DAB1: variants seen among roughly 807,000 people sequenced by gnomAD.
The protein encoded by DAB1 is DAB adaptor protein 1.
Under a neutral mutation model 64.6 loss-of-function variants are expected in DAB1, and 15 were observed. That is an observed-to-expected ratio of 0.23 (90% confidence interval 0.16 to 0.36). The LOEUF is 0.36. Ranked by LOEUF, DAB1 falls within the 10% of genes least tolerant of loss-of-function variation. DAB1 has a pLI of 1.00. For missense variants in DAB1, 596 were observed against 706.7 expected, an observed-to-expected ratio of 0.84 and a Z score of 1.78; for synonymous variants, 235 against 251.9, an observed-to-expected ratio of 0.93 and a Z score of 0.64.
intron 5 of DAB1, among the ~76,000 whole-genome samples, chr1:58,071,382 G>GGGTGTGTGTGTGTGTGTGTT: frequency 6.6e-6 from 1 of 150,642 alleles, no homozygotes; most frequent in East Asian, 2.0e-4. Context: ...GTGTGTGTGT[G>GGGTGTGTGTGTGTGTGTGTT]TGTGTGTGTG....
chr1:57,630,385 T>C (rs1265765872), intron 7 of DAB1, among the ~76,000 whole-genome samples: 2 of 152,216 alleles, frequency 1.3e-5, no homozygotes, highest in African/African-American at 4.8e-5. Context: ...ACTCTAGTGT[T>C]CGATAACCCT....
intron 1 of DAB1, among the ~76,000 whole-genome samples, chr1:57,348,155 C>T (rs1353264010): frequency 2.0e-5 from 3 of 152,180 alleles, no homozygotes; most frequent in Non-Finnish European, 4.4e-5. Flanking sequence ...GTATTCAAAA[C>T]TTGCCGAGTG....
At chr1:57,364,476 A>G (rs916376027) in intron 1 of DAB1, among the ~76,000 whole-genome samples, 9 of 152,290 alleles carry the variant, frequency 5.9e-5, no homozygotes, top group African/African-American at 1.9e-4. Flanking sequence ...CTCTGCACGC[A>G]GGCAGAGGAA....
chr1:57,449,464 T>C (rs1297093548), intron 7 of DAB1, among the ~76,000 whole-genome samples: 1 of 150,686 alleles, frequency 6.6e-6, no homozygotes, highest in African/African-American at 2.4e-5. Context: ...ACATACAGCC[T>C]CAAACTCTAG....
At chr1:58,434,628 T>G (rs1437754835) in intron 3 of DAB1, among the ~76,000 whole-genome samples, 1 of 152,174 alleles carries the variant, frequency 6.6e-6, no homozygotes, top group Non-Finnish European at 1.5e-5. Flanking sequence ...TATCACCATA[T>G]AGATGGCATT....
intron 4 of DAB1, among the ~76,000 whole-genome samples, chr1:58,232,528 G>T (rs976782065): frequency 6.8e-6 from 1 of 147,292 alleles, no homozygotes; most frequent in African/African-American, 2.5e-5. Flanking sequence ...CACACAGTTT[G>T]ACAAACGAAT....
At chr1:57,749,977 C>T (rs956448867) in intron 6 of DAB1, among the ~76,000 whole-genome samples, 5 of 152,006 alleles carry the variant, frequency 3.3e-5, no homozygotes, top group African/African-American at 1.2e-4. Flanking sequence ...AATCAATACA[C>T]ATGATATTTC....
At chr1:58,452,423 A>G (rs888634162) in intron 3 of DAB1, among the ~76,000 whole-genome samples, 2 of 152,040 alleles carry the variant, frequency 1.3e-5, no homozygotes, top group Non-Finnish European at 2.9e-5. Context: ...ACAAAGCCAC[A>G]TGTTCACGAT....
intron 2 of DAB1, among the ~76,000 whole-genome samples, chr1:57,258,646 C>T (rs1669947493): frequency 6.6e-6 from 1 of 152,192 alleles, no homozygotes; most frequent in Non-Finnish European, 1.5e-5. Flanking sequence ...CTTTGAACTA[C>T]ATTTACCATC....
At chr1:57,094,909 GA>G (rs1488316919) in intron 4 of DAB1, among the ~76,000 whole-genome samples, 2 of 152,098 alleles carry the variant, frequency 1.3e-5, no homozygotes, top group East Asian at 3.9e-4. Context: ...CTGTACCATA[GA>G]AAAGTGGGCT....
At chr1:58,221,685 C>G (rs1446262046) in intron 4 of DAB1, among the ~76,000 whole-genome samples, 1 of 152,202 alleles carries the variant, frequency 6.6e-6, no homozygotes, top group Admixed American at 6.5e-5. Context: ...CAGAGTTCCC[C>G]GAAGGTCACT....
At chr1:58,371,990 A>G (rs1376803005) in intron 3 of DAB1, among the ~76,000 whole-genome samples, 1 of 152,260 alleles carries the variant, frequency 6.6e-6, no homozygotes, top group African/African-American at 2.4e-5. Flanking sequence ...AGGGCAAAGC[A>G]GAGCAGAAAT....
chr1:57,901,481 A>AT, intron 5 of DAB1, among the ~76,000 whole-genome samples: 1 of 151,996 alleles, frequency 6.6e-6, no homozygotes, highest in East Asian at 1.9e-4. Flanking sequence ...CACAATTACA[A>AT]TTTCATCTCA....
intron 2 of DAB1, among the ~76,000 whole-genome samples, chr1:57,233,737 C>T (rs1389359905): frequency 2.0e-5 from 3 of 151,218 alleles, no homozygotes; most frequent in East Asian, 4.0e-4. Context: ...CCAGCCTGGG[C>T]GACAGAGCGA....
chr1:57,019,474 G>C (rs1341262561), intron 11 of DAB1, among the ~76,000 whole-genome samples: 2 of 152,030 alleles, frequency 1.3e-5, no homozygotes, highest in Non-Finnish European at 2.9e-5. Context: ...ATATTCAAAA[G>C]AAAAAAGGCA....
At chr1:58,109,094 CT>C (rs1375215824) in intron 5 of DAB1, among the ~76,000 whole-genome samples, 1 of 152,198 alleles carries the variant, frequency 6.6e-6, no homozygotes, top group Non-Finnish European at 1.5e-5. Context: ...GGAACCTAAA[CT>C]TTTAGTGTTG....
chr1:57,739,981 G>A (rs887918874), intron 6 of DAB1, among the ~76,000 whole-genome samples: 1 of 145,328 alleles, frequency 6.9e-6, no homozygotes. Flanking sequence ...GATCACTTGA[G>A]GCTGGGAGTC....
upstream of DAB1, among the ~76,000 whole-genome samples, chr1:57,884,754 A>G (rs1644197560): frequency 6.6e-6 from 1 of 152,204 alleles, no homozygotes; most frequent in Admixed American, 6.5e-5. Context: ...GTGAGGCCTA[A>G]TGGCAGGTGT....
chr1:57,725,649 C>G (rs1279850898), intron 6 of DAB1, among the ~76,000 whole-genome samples: 1 of 152,132 alleles, frequency 6.6e-6, no homozygotes, highest in East Asian at 1.9e-4. Flanking sequence ...TAGTTCAGGG[C>G]CTAGCACTTG....
Sources: allele counts gnomAD v4.1 joint callset (sites outside exome capture counted in the v4.1 genomes callset), GRCh38; gene constraint gnomAD v4.1.1; transcripts MANE v1.5; gene names NCBI Gene and HGNC (gene_info 2026-07-23, HGNC 2026-07-21).